FBXO16: variants seen among roughly 807,000 people sequenced by gnomAD.
FBXO16 encodes the protein F-box protein 16, also known as F-box only protein 16.
FBXO16 carries 31 observed loss-of-function variants against 41.0 expected under a neutral mutation model. That is an observed-to-expected ratio of 0.76 (90% CI 0.57 to 1.02). The LOEUF (loss-of-function observed/expected upper bound fraction) is 1.02. FBXO16 is among the 50% of genes least tolerant of loss of function. FBXO16 has a pLI of 0.00. For missense variants in FBXO16, 361 were observed against 346.2 expected (o/e 1.04, Z -0.34); for synonymous variants, 133 against 117.8 (o/e 1.13, Z -0.84).
chr8:28,486,987 G>A (rs1803613063), intron 1 of FBXO16, among the ~76,000 whole-genome samples: 1 of 152,006 alleles, frequency 6.6e-6, no homozygotes, highest in Non-Finnish European at 1.5e-5. Context: ...CCTGCTCTAT[G>A]CTGAACAACT....
chr8:28,433,049 A>G (rs1802632288), intron 7 of FBXO16, among the ~76,000 whole-genome samples: 1 of 148,118 alleles, frequency 6.8e-6, no homozygotes, highest in African/African-American at 2.6e-5. Context: ...CGACAGAGTG[A>G]GACTTCGTCC....
chr8:28,470,235 A>G (rs1322438970), intron 3 of FBXO16, among the ~76,000 whole-genome samples: 1 of 152,184 alleles, frequency 6.6e-6, no homozygotes, highest in Non-Finnish European at 1.5e-5. Context: ...AAATAAGTGA[A>G]CAAAATGTAG....
intron 7 of FBXO16, among the ~76,000 whole-genome samples, chr8:28,444,311 T>C (rs1563359577): frequency 6.7e-6 from 1 of 149,612 alleles, no homozygotes; most frequent in Non-Finnish European, 1.5e-5. Context: ...TCTTTTTTTT[T>C]TTTTTTTTTG....
chr8:28,478,496 G>A (rs1366309469), intron 2 of FBXO16, among the ~76,000 whole-genome samples: 3 of 152,086 alleles, frequency 2.0e-5, no homozygotes, highest in Non-Finnish European at 4.4e-5. Context: ...AAATGTTGGG[G>A]TTTGGATCTC....
At chr8:28,440,412 T>C (rs11775158) in intron 7 of FBXO16, among the ~76,000 whole-genome samples, 48,152 of 152,058 alleles carry the variant, frequency 0.32, 8,393 homozygotes, top group Non-Finnish European at 0.39. Flanking sequence ...TCTCATTTTA[T>C]AAATGAGGAA....
At chr8:28,480,469 C>CT (rs922919916) in intron 2 of FBXO16, among the ~76,000 whole-genome samples, 3 of 151,926 alleles carry the variant, frequency 2.0e-5, no homozygotes, top group African/African-American at 7.3e-5. Flanking sequence ...GACCTGAACT[C>CT]TGATTCAATT....
At chr8:28,480,176 T>C (rs1441271144) in intron 2 of FBXO16, among the ~76,000 whole-genome samples, 2 of 152,154 alleles carry the variant, frequency 1.3e-5, no homozygotes, top group Non-Finnish European at 2.9e-5. Context: ...TCTTTCCTCA[T>C]TTCCTTTATC....
intron 6 of FBXO16, 134 bp downstream of exon 6, chr8:28,452,110 A>G: frequency 1.3e-6 from 1 of 788,582 alleles, no homozygotes; most frequent in South Asian, 1.9e-5. Flanking sequence ...ATCCTGCTCT[A>G]TTACTTTTTG....
chr8:28,487,380 T>C (rs1225604043), intron 1 of FBXO16, among the ~76,000 whole-genome samples: 1 of 150,416 alleles, frequency 6.6e-6, no homozygotes, highest in East Asian at 1.9e-4. Context: ...TTTGCTACTA[T>C]TAAGAAGACA....
At chr8:28,459,180 G>A (rs1803084436) in intron 4 of FBXO16, among the ~76,000 whole-genome samples, 1 of 152,118 alleles carries the variant, frequency 6.6e-6, no homozygotes, top group Non-Finnish European at 1.5e-5. Context: ...TGACAACCTG[G>A]TAGAGTTCTT....
chr8:28,429,535 G>C lies in FBXO16; in HGVS notation c.844-132C>G. The C allele has an allele frequency of 4.2e-6, 4 of 955,060 alleles. No homozygotes were observed. The South Asian group carries it at 5.7e-5, about 14-fold the overall frequency. The allele number at this position is 955,060 out of a possible 1,614,324, so 59.2% of individuals were successfully genotyped here. ...TATCTTGGTTCCAACTGTGCAAGGA[G>C]AGACCTAAGAGGATTGGGCTGAACA... On this transcript the variant is annotated intron_variant, in intron 7 of 8. Transcript: ENST00000380254.
intron 7 of FBXO16, among the ~76,000 whole-genome samples, chr8:28,439,615 G>A (rs1193314125): frequency 1.3e-5 from 2 of 151,906 alleles, no homozygotes; most frequent in Non-Finnish European, 2.9e-5. Flanking sequence ...AGACTTGGTG[G>A]TGCACAGGTC....
chr8:28,439,974 ATTT>A (rs34129347), intron 7 of FBXO16, among the ~76,000 whole-genome samples: 94,842 of 148,756 alleles, frequency 0.64, 30,536 homozygotes, highest in East Asian at 0.82. Context: ...AATGTAACGG[ATTT>A]TTTTTTTTTT....
intron 7 of FBXO16, among the ~76,000 whole-genome samples, chr8:28,431,222 G>A (rs1386118210): frequency 2.0e-5 from 3 of 152,102 alleles, no homozygotes; most frequent in Non-Finnish European, 2.9e-5. Flanking sequence ...GGCCTCCCCT[G>A]CTCTCCTCTC....
At chr8:28,432,962 G>A (rs866991938) in intron 7 of FBXO16, among the ~76,000 whole-genome samples, 16 of 151,996 alleles carry the variant, frequency 1.1e-4, no homozygotes, top group Middle Eastern at 3.4e-3. Context: ...TTGGGAGGCC[G>A]AGACAGGAGA....
intron 7 of FBXO16, among the ~76,000 whole-genome samples, chr8:28,442,233 C>T (rs771219075): frequency 3.3e-5 from 5 of 151,822 alleles, no homozygotes; most frequent in African/African-American, 7.3e-5. Context: ...CCACTGTGCC[C>T]GGCCGGAATT....
intron 3 of FBXO16, among the ~76,000 whole-genome samples, chr8:28,467,890 C>A (rs1585912875): frequency 6.6e-6 from 1 of 152,014 alleles, no homozygotes; most frequent in East Asian, 1.9e-4. Context: ...GATAGGTGTT[C>A]TTTGCCTCAA....
At chr8:28,448,100 A>G (rs1013891171) in intron 6 of FBXO16, among the ~76,000 whole-genome samples, 5 of 152,134 alleles carry the variant, frequency 3.3e-5, no homozygotes, top group African/African-American at 1.2e-4. Context: ...AGCTTTTTGG[A>G]AAGGCGAGAG....
intron 3 of FBXO16, among the ~76,000 whole-genome samples, chr8:28,467,956 C>T (rs1803272308): frequency 6.6e-6 from 1 of 152,142 alleles, no homozygotes; most frequent in South Asian, 2.1e-4. Flanking sequence ...AATTTACATT[C>T]CTTAAACTAC....
Sources: gnomAD v4.1 joint callset for allele counts (sites outside exome capture counted in the v4.1 genomes callset) on GRCh38, gnomAD v4.1.1 for gene constraint, MANE v1.5 for transcripts, NCBI Gene and HGNC (gene_info 2026-07-23, HGNC 2026-07-21) for gene names.